Variants in TPPP2 observed in about 807,000 individuals in gnomAD.
The protein encoded by TPPP2 is tubulin polymerization-promoting protein family member 2.
TPPP2 carries 8 observed loss-of-function variants against 13.0 expected under a neutral mutation model. The ratio of observed to expected loss-of-function variants is 0.62; its 90% CI spans 0.36 to 1.11. The LOEUF (loss-of-function observed/expected upper bound fraction) is 1.11. Among genes scored for constraint, TPPP2 ranks in the 50% most tolerant of loss-of-function variants. The pLI is 0.02. For synonymous variants in TPPP2, 81 were observed against 81.8 expected, an observed-to-expected ratio of 0.99 and a Z score of 0.05; for missense variants, 213 against 216.9, an observed-to-expected ratio of 0.98 and a Z score of 0.11.
Position 21,032,127 on chromosome 14 carries a change from A to G in TPPP2, c.*50A>G. ...AGCCCCCTGACCCTGCATGTTTAAC[A>G]CCAGGGAGCTTGGAAAACAATAAAC... On this transcript the variant is annotated 3_prime_UTR_variant, in exon 4 of 4. Transcript: ENST00000321760. The G allele has an allele frequency of 6.4e-7, 1 of 1,566,264 alleles. No individual in the cohort carries two copies. Among genetic ancestry groups the G allele is most frequent in the Non-Finnish European group, 8.8e-7 (1 of 1,140,214 alleles).
At chr14:21,033,250 C>T (rs1884365598), downstream of TPPP2, 1 of 316,412 alleles carries the variant, frequency 3.2e-6, no homozygotes, top group Non-Finnish European at 6.1e-6. Flanking sequence ...AGGGAGAAAC[C>T]ATGATTTCAC....
Position 21,025,100 on chromosome 14 carries a change from A to C in TPPP2, n.236+756A>C. 2 of 984,328 alleles carry C rather than the reference A, an allele frequency of 2.0e-6. No individual in the cohort carries two copies. The highest frequency in any genetic ancestry group is 2.4e-6 in the Non-Finnish European group (2 of 829,760). 61.0% of individuals were successfully genotyped at this position (984,328 alleles called of 1,614,324 possible). A position where few individuals can be genotyped will look rare whatever the true frequency, so the allele number is the denominator to read the frequency against. On this transcript the variant is annotated intron_variant and non_coding_transcript_variant, in intron 1 of 1. Coordinates refer to the TPPP2 transcript ENST00000533755. The surrounding 1 kb of genome is among the most constrained non-coding windows in gnomAD (Gnocchi z 5.1). ...GCCCGCCCCGGCTCGGGCTTCCCGC[A>C]GACCCGCCCCCGGCCCGCCCCAGCC...
downstream of TPPP2, among the ~76,000 whole-genome samples, chr14:21,034,947 T>C (rs1477470967): frequency 6.6e-6 from 1 of 152,234 alleles, no homozygotes. Context: ...GTGCCTGGGC[T>C]TTCTTTGATG....
At chr14:21,034,356 C>A, downstream of TPPP2, 1 of 1,105,204 alleles carries the variant, frequency 9.0e-7, no homozygotes, top group Non-Finnish European at 1.3e-6. Flanking sequence ...CTGCCACATC[C>A]CAGAGCCTCC....
At chr14:21,031,326 G>C in intron 3 of TPPP2, 161 bp downstream of exon 3, 1 of 924,290 alleles carries the variant, frequency 1.1e-6, no homozygotes, top group South Asian at 2.1e-5. Flanking sequence ...GTGGCCCAGA[G>C]AAGGGAAGTG....
chr14:21,030,130 G>A (rs543422076), upstream of TPPP2: 1 of 155,120 alleles, frequency 6.4e-6, no homozygotes, highest in Admixed American at 6.4e-5. Context: ...CTCCTTTGAA[G>A]GCAATGGCTG....
chr14:21,032,887 G>A (rs181789776), downstream of TPPP2: 17 of 452,694 alleles, frequency 3.8e-5, no homozygotes, highest in Admixed American at 3.6e-4. Flanking sequence ...TGGTACAGAG[G>A]GGGCTCGTGT....
downstream of TPPP2, chr14:21,033,136 A>C (rs1392897498): frequency 2.6e-6 from 1 of 380,142 alleles, no homozygotes; most frequent in African/African-American, 2.1e-5. Flanking sequence ...TGGAAGAAAA[A>C]GAGGTTGGAA....
intron 3 of TPPP2, 156 bp downstream of exon 3, chr14:21,031,321 C>T: frequency 1.0e-6 from 1 of 997,220 alleles, no homozygotes; most frequent in Non-Finnish European, 1.4e-6. Flanking sequence ...AAAATGTGGC[C>T]CAGAGAAGGG....
At position 21,030,459 on chromosome 14, in the gene TPPP2, C is replaced by G. The variant is rs112345474; in HGVS notation, c.-69-54C>G. On this transcript the variant is annotated intron_variant, in intron 1 of 3. Coordinates refer to ENST00000321760, the MANE Select transcript of TPPP2 (RefSeq NM_173846.5). ...GAGAGAGCAACAGGGAAGAGGGGAG[C>G]TGTTCCTGTTGCTGACTGATTTTAC... The G allele has an allele frequency of 4.4e-4, 431 of 982,164 alleles. 1 individual carries two copies. The highest frequency in any genetic ancestry group is 5.9e-4 in the Non-Finnish European group (390 of 660,118). The allele number at this position is 982,164 out of a possible 1,614,324, so 60.8% of individuals were successfully genotyped here.
rs1046325965 is a variant in TPPP2, at chr14:21,024,495, T to G, written n.236+151T>G. 7.1e-6 allele frequency: 7 copies of G among 984,458 alleles called. No individual in the cohort carries two copies. The African/African-American group carries it at 1.2e-4, about 17-fold the overall frequency. 61.0% of individuals were successfully genotyped at this position (984,458 alleles called of 1,614,324 possible). On this transcript the variant is annotated intron_variant and non_coding_transcript_variant, in intron 1 of 1. Coordinates refer to the TPPP2 transcript ENST00000533755. Reference sequence around the variant, plus strand: ...GGGGAATAGGGGATCCCCAAAATTTTTGACAGCTCTCCAGTAAGAGGAGGG... The same window carrying G: ...GGGGAATAGGGGATCCCCAAAATTTGTGACAGCTCTCCAGTAAGAGGAGGG...
In TPPP2 at chr14:21,030,687, G is replaced by A; in HGVS notation, c.106G>A (p.Asp36Asn). Residue 36 changes from aspartate (D) to asparagine (N), a missense_variant, in exon 2 of 4, where the codon GAC (aspartate) becomes AAC (asparagine). Coordinates refer to ENST00000321760, the MANE Select transcript of TPPP2 (RefSeq NM_173846.5). ...CAAGAACTTCTCCAAGCTGTGCAAA[G>A]ACTGTGGCATCATGGATGGCAAGAC... is the stretch of plus-strand genomic sequence containing the variant. The part of the protein sequence containing the change: ...NNKNFSKLCK[D>N]CGIMDGKTVT... 3.1e-6 allele frequency: 5 copies of A among 1,614,198 alleles called. No individual in the cohort carries two copies. The highest frequency in any genetic ancestry group is 4.2e-6 in the Non-Finnish European group (5 of 1,180,036).
upstream of TPPP2, chr14:21,025,340 C>T: frequency 1.0e-6 from 1 of 984,478 alleles, no homozygotes; most frequent in African/African-American, 1.7e-5. The surrounding 1 kb of genome is among the most constrained non-coding windows in gnomAD (Gnocchi z 5.1). Context: ...TGCGGGGATC[C>T]CTCAGCCCTG....
chr14:21,027,041 G>A (rs977709301), upstream of TPPP2, among the ~76,000 whole-genome samples: 2 of 152,128 alleles, frequency 1.3e-5, no homozygotes, highest in African/African-American at 4.8e-5. Context: ...ATCTAAATTC[G>A]TCTCTGGGTC....
chr14:21,030,627 G>A lies in TPPP2; in HGVS notation c.46G>A (p.Gly16Arg), dbSNP rs912525450. ...AACATTCCATCGGTTTGCTGCGTTT[G>A]GAGAATCATCAAGCAGTGGCACTGA... is the stretch of plus-strand genomic sequence containing the variant. Reference protein sequence around the residue: ...EKTFHRFAAFGESSSSGTEMN... With the variant: ...EKTFHRFAAFRESSSSGTEMN... Residue 16 changes from glycine to arginine, a missense_variant, in exon 2 of 4, where the codon GGA (glycine) becomes AGA (arginine). Coordinates refer to ENST00000321760, the MANE Select transcript of TPPP2 (RefSeq NM_173846.5). 1 of 1,614,052 alleles carries A rather than the reference G, an allele frequency of 6.2e-7. No homozygotes were observed. Among genetic ancestry groups the A allele is most frequent in the Non-Finnish European group, 8.5e-7 (1 of 1,179,994 alleles).
chr14:21,033,667 A>C, downstream of TPPP2: 1 of 651,554 alleles, frequency 1.5e-6, no homozygotes, highest in East Asian at 2.7e-5. Context: ...ATGGTGATCA[A>C]AGCCCTGGAC....
At chr14:21,025,000 T>C in intron 1 of TPPP2, 1 of 985,896 alleles carries the variant, frequency 1.0e-6, no homozygotes, top group Non-Finnish European at 1.2e-6. Flanking sequence ...TTCCAGGCCC[T>C]ACGGCCCCTC....
downstream of TPPP2, chr14:21,036,208 C>T (rs1594488592): frequency 2.2e-6 from 1 of 456,334 alleles, no homozygotes; most frequent in Non-Finnish European, 4.4e-6. Context: ...TCTCGTCTCG[C>T]CTGGACAGCA....
chr14:21,026,304 C>CT (rs1594465343), upstream of TPPP2, among the ~76,000 whole-genome samples: 1 of 151,360 alleles, frequency 6.6e-6, no homozygotes, highest in Admixed American at 6.6e-5. Context: ...CCACCTGCCC[C>CT]CCTTGTAGCT....
Sources: gnomAD v4.1 joint callset for allele counts (sites outside exome capture counted in the v4.1 genomes callset) on GRCh38, gnomAD v4.1.1 for gene constraint, Gnocchi (gnomAD v3.1) non-coding constraint, MANE v1.5 for transcripts, NCBI Gene and HGNC (gene_info 2026-07-23, HGNC 2026-07-21) for gene names.